Variants in PTPRD observed in about 807,000 individuals in gnomAD.
The protein encoded by PTPRD is receptor-type tyrosine-protein phosphatase delta.
Under a neutral mutation model 214.5 loss-of-function variants are expected in PTPRD, and 34 were observed. The ratio of observed to expected loss-of-function variants is 0.16; its 90% CI spans 0.12 to 0.21. The LOEUF (loss-of-function observed/expected upper bound fraction) is 0.21, where lower values mean the gene tolerates loss of function less well. Among genes scored for constraint, PTPRD ranks in the 10% least tolerant of loss-of-function variants. PTPRD has a pLI of 1.00. For synonymous variants in PTPRD, 1,128 were observed against 845.7 expected, an observed-to-expected ratio of 1.33 and a Z score of -5.79; for missense variants, 2,545 against 2,398.7, an observed-to-expected ratio of 1.06 and a Z score of -1.27.
chr9:8,632,260 T>C (rs2096277612), intron 14 of PTPRD, among the ~76,000 whole-genome samples: 1 of 151,698 alleles, frequency 6.6e-6, no homozygotes, highest in South Asian at 2.1e-4. Flanking sequence ...AGGGCTTACC[T>C]CCTTGAAAGA....
chr9:8,327,558 G>C (rs4008225), intron 44 of PTPRD, among the ~76,000 whole-genome samples: 12 of 152,002 alleles, frequency 7.9e-5, no homozygotes, highest in Non-Finnish European at 1.5e-4. Context: ...AGGTCTGCTT[G>C]GTCCAGAGCT....
At chr9:9,516,023 G>A (rs1305069868) in intron 8 of PTPRD, among the ~76,000 whole-genome samples, 1 of 152,088 alleles carries the variant, frequency 6.6e-6, no homozygotes, top group Admixed American at 6.6e-5. Context: ...GTACCCATAT[G>A]CAAGCATTCA....
At chr9:9,213,695 A>G (rs2099950304) in intron 9 of PTPRD, among the ~76,000 whole-genome samples, 1 of 152,216 alleles carries the variant, frequency 6.6e-6, no homozygotes, top group African/African-American at 2.4e-5. Flanking sequence ...TCCCTGAATA[A>G]TAAGTTCACA....
chr9:9,144,433 C>G (rs2099865180), intron 10 of PTPRD, among the ~76,000 whole-genome samples: 1 of 152,128 alleles, frequency 6.6e-6, no homozygotes, highest in Non-Finnish European at 1.5e-5. Context: ...TACCTAAAAT[C>G]ATTTAAAGAT....
intron 2 of PTPRD, among the ~76,000 whole-genome samples, chr9:10,357,796 T>C (rs920755396): frequency 6.6e-6 from 1 of 152,156 alleles, no homozygotes; most frequent in Admixed American, 6.5e-5. Flanking sequence ...GTATATGCAA[T>C]GATGTGAATA....
intron 10 of PTPRD, among the ~76,000 whole-genome samples, chr9:9,130,025 C>G (rs2099840230): frequency 6.6e-6 from 1 of 152,070 alleles, no homozygotes; most frequent in South Asian, 2.1e-4. Flanking sequence ...ATATAATAGG[C>G]TCTTAATGTT....
Position 8,512,200 on chromosome 9 carries a change from A to G in PTPRD, c.1544-4766T>C, listed in dbSNP as rs4493958. On this transcript the variant is annotated intron_variant, in intron 21 of 45. Transcript: ENST00000381196. Reference sequence around the variant, plus strand: ...AAATGATAATGACAATAAAACCGACAGCCAGAATTATAACGGTAGTAAAAC... The same window carrying G: ...AAATGATAATGACAATAAAACCGACGGCCAGAATTATAACGGTAGTAAAAC... Among the ~76,000 whole-genome samples, 1,459 of 152,228 alleles carry G rather than the reference A, an allele frequency of 9.6e-3. 14 individuals are homozygous for G. Among genetic ancestry groups the G allele is most frequent in the East Asian group, 0.042 (216 of 5,182 alleles).
At chr9:10,183,066 A>G (rs2099309702) in intron 3 of PTPRD, among the ~76,000 whole-genome samples, 1 of 152,336 alleles carries the variant, frequency 6.6e-6, no homozygotes, top group East Asian at 1.9e-4. Flanking sequence ...AAGAATAAGA[A>G]TAATGCTATT....
chr9:9,092,159 A>G (rs1275055660), intron 10 of PTPRD, among the ~76,000 whole-genome samples: 2 of 152,168 alleles, frequency 1.3e-5, no homozygotes, highest in African/African-American at 2.4e-5. Context: ...ACTCATTTTC[A>G]TGTTCTCTTC....
At chr9:9,722,923 A>G (rs1302979935) in intron 7 of PTPRD, among the ~76,000 whole-genome samples, 5 of 152,068 alleles carry the variant, frequency 3.3e-5, no homozygotes, top group Admixed American at 6.6e-5. Context: ...AGCTCTTTAT[A>G]TATTTTAGAT....
intron 35 of PTPRD, among the ~76,000 whole-genome samples, chr9:8,423,403 C>G (rs1270256871): frequency 6.6e-6 from 1 of 152,152 alleles, no homozygotes; most frequent in Admixed American, 6.6e-5. Flanking sequence ...CAAGCATCTT[C>G]TGATTGTACA....
At chr9:8,359,744 G>C (rs1009698162) in intron 39 of PTPRD, among the ~76,000 whole-genome samples, 2 of 152,194 alleles carry the variant, frequency 1.3e-5, no homozygotes, top group African/African-American at 2.4e-5. Context: ...CTCAGGAACA[G>C]AGACTAAAAT....
intron 36 of PTPRD, among the ~76,000 whole-genome samples, chr9:8,390,279 GCTCT>G (rs1564482331): frequency 1.3e-5 from 2 of 152,196 alleles, no homozygotes; most frequent in South Asian, 4.2e-4. Flanking sequence ...CGCTTACAAA[GCTCT>G]GCAACTTCCC....
At chr9:10,144,727 G>A (rs1393341785) in intron 3 of PTPRD, among the ~76,000 whole-genome samples, 2 of 152,034 alleles carry the variant, frequency 1.3e-5, no homozygotes, top group Non-Finnish European at 2.9e-5. Context: ...ATCAGCTAAG[G>A]AGCCTCTATA....
intron 5 of PTPRD, among the ~76,000 whole-genome samples, chr9:9,827,097 C>A (rs1380710408): frequency 2.0e-5 from 3 of 152,064 alleles, no homozygotes; most frequent in Non-Finnish European, 4.4e-5. Context: ...TTGACAGACT[C>A]AATGCCATCC....
At chr9:9,613,996 T>C (rs968882462) in intron 7 of PTPRD, among the ~76,000 whole-genome samples, 5 of 152,206 alleles carry the variant, frequency 3.3e-5, no homozygotes, top group African/African-American at 1.2e-4. Context: ...TCCTCATCAA[T>C]AATACCTTCT....
chr9:8,591,695 G>GA (rs2094119543), intron 14 of PTPRD, among the ~76,000 whole-genome samples: 2 of 152,146 alleles, frequency 1.3e-5, no homozygotes, highest in Admixed American at 1.3e-4. Context: ...TGAGAGTAAT[G>GA]AAAGAGTTGC....
At chr9:9,539,261 C>G (rs1315015441) in intron 8 of PTPRD, among the ~76,000 whole-genome samples, 1 of 151,738 alleles carries the variant, frequency 6.6e-6, no homozygotes, top group Non-Finnish European at 1.5e-5. Flanking sequence ...TACCTAGGCC[C>G]TTAAGTGGGA....
intron 7 of PTPRD, among the ~76,000 whole-genome samples, chr9:9,584,499 A>G (rs1299575200): frequency 2.0e-5 from 3 of 150,896 alleles, no homozygotes; most frequent in Non-Finnish European, 4.4e-5. Context: ...AATATCTCCA[A>G]CTCCCTCCCA....
Sources: allele counts gnomAD v4.1 joint callset (sites outside exome capture counted in the v4.1 genomes callset), GRCh38; gene constraint gnomAD v4.1.1; transcripts MANE v1.5; gene names NCBI Gene and HGNC (gene_info 2026-07-23, HGNC 2026-07-21).